The following SH2D3C variants were observed in gnomAD, a reference collection of about 807,000 sequenced individuals.
SH2D3C encodes SH2 domain-containing protein 3C.
Under a neutral mutation model 75.2 loss-of-function variants are expected in SH2D3C, and 25 were observed. The ratio of observed to expected loss-of-function variants is 0.33; its 90% confidence interval spans 0.24 to 0.46. SH2D3C has a LOEUF of 0.46. Among genes scored for constraint, SH2D3C ranks in the 20% least tolerant of loss-of-function variants. The pLI, the probability that SH2D3C is intolerant of heterozygous loss-of-function variation, is 1.00. For missense variants in SH2D3C, 933 were observed against 1,165.3 expected (o/e 0.80, Z 2.90); for synonymous variants, 450 against 473.7 (o/e 0.95, Z 0.65).
chr9:127,778,487 A>G, intron 1 of SH2D3C, 104 bp downstream of exon 1: 2 of 953,956 alleles, frequency 2.1e-6, no homozygotes, highest in African/African-American at 1.6e-5. Flanking sequence ...AAAGAGTGAG[A>G]GAGAGAAAAA....
intron 3 of SH2D3C, among the ~76,000 whole-genome samples, chr9:127,757,395 C>T (rs892715585): frequency 2.0e-5 from 3 of 150,766 alleles, no homozygotes; most frequent in East Asian, 2.0e-4. Context: ...CTCAGCCTCC[C>T]GAGTAGCTGG....
chr9:127,739,742 C>T lies in SH2D3C; in HGVS notation c.2347G>A (p.Ala783Thr), dbSNP rs747442330. The T allele has an allele frequency of 1.1e-5, 18 of 1,610,358 alleles. No individual in the cohort carries two copies. The highest frequency in any genetic ancestry group is 1.5e-5 in the Non-Finnish European group (18 of 1,179,462). ...CCTCCGTGGTGTGCCACTGTGCGGG[C>T]GGCCTCCAGGTGAGCCAGCACCACC... ...VEVVLAHLEA[A>T]RTVAHHGGLY... Residue 783 changes from alanine (A) to threonine (T), a missense_variant, in exon 11 of 12, where the codon GCC (alanine) becomes ACC (threonine). By Grantham distance (58) the Ala-to-Thr change is moderately conservative. Transcript: ENST00000314830. The surrounding 1 kb of genome is among the most constrained non-coding windows in gnomAD (Gnocchi z 4.3).
At chr9:127,760,277 C>T (rs1208359021) in intron 3 of SH2D3C, among the ~76,000 whole-genome samples, 1 of 152,178 alleles carries the variant, frequency 6.6e-6, no homozygotes, top group Non-Finnish European at 1.5e-5. Flanking sequence ...CCTCTGCCTA[C>T]TCTCAGTGCT....
intron 2 of SH2D3C, among the ~76,000 whole-genome samples, chr9:127,773,132 A>C (rs574219303): frequency 1.2e-4 from 19 of 152,250 alleles, no homozygotes; most frequent in Non-Finnish European, 2.4e-4. Context: ...TCTTCTATGG[A>C]GTTTTCAGTG....
At chr9:127,760,735 C>T (rs1449470487) in intron 3 of SH2D3C, among the ~76,000 whole-genome samples, 3 of 152,150 alleles carry the variant, frequency 2.0e-5, no homozygotes, top group Non-Finnish European at 4.4e-5. Flanking sequence ...AATCAAATAC[C>T]TCTCATGTAA....
chr9:127,762,334 C>T, intron 2 of SH2D3C: 1 of 1,302,518 alleles, frequency 7.7e-7, no homozygotes, highest in Non-Finnish European at 1.0e-6. Context: ...AAATGCTACC[C>T]CTACCCTCAG....
Position 127,754,920 on chromosome 9 carries a change from G to A in SH2D3C, c.556-3620C>T. The A allele has an allele frequency of 3.9e-6, 2 of 517,448 alleles. No homozygotes were observed. Among genetic ancestry groups the A allele is most frequent in the South Asian group, 3.1e-5 (2 of 63,994 alleles). 32.1% of individuals were successfully genotyped at this position (517,448 alleles called of 1,614,324 possible). The stretch of plus-strand genomic sequence containing the variant: ...GCCTGGGCGCCCAGAGGTGAGGCTG[G>A]GGTGACCCCGCCCCCTCCCCGGGTC... On this transcript the variant is annotated intron_variant, in intron 3 of 11. Coordinates refer to ENST00000314830, the MANE Select transcript of SH2D3C (RefSeq NM_170600.3). This position sits in a 1 kb window ranked among gnomAD's most constrained non-coding sequence, Gnocchi z 4.4.
rs768912777 is a variant in SH2D3C, at chr9:127,754,942, G to T, written c.556-3642C>A. 1 of 517,640 alleles carries T rather than the reference G, an allele frequency of 1.9e-6. No individual in the cohort carries two copies. The highest frequency in any genetic ancestry group is 3.6e-6 in the Non-Finnish European group (1 of 280,634). The allele number at this position is 517,640 out of a possible 1,614,324, so 32.1% of individuals were successfully genotyped here. A position where few individuals can be genotyped will look rare whatever the true frequency, so the allele number is the denominator to read the frequency against. On this transcript the variant is annotated intron_variant, in intron 3 of 11. Coordinates refer to ENST00000314830, the MANE Select transcript of SH2D3C (RefSeq NM_170600.3). This position sits in a 1 kb window ranked among gnomAD's most constrained non-coding sequence, Gnocchi z 4.4. ...CTGGGGTGACCCCGCCCCCTCCCCGGGTCGGCCGGGCCCAGCCCAGCCCGA... is the reference window on the plus strand; with the variant it reads ...CTGGGGTGACCCCGCCCCCTCCCCGTGTCGGCCGGGCCCAGCCCAGCCCGA...
chr9:127,768,438 C>T (rs1564424549), intron 2 of SH2D3C, among the ~76,000 whole-genome samples: 5 of 151,952 alleles, frequency 3.3e-5, no homozygotes, highest in Non-Finnish European at 7.4e-5. Flanking sequence ...GGGCTTGGAT[C>T]TCTAGGTGGG....
rs200319475 is a variant in SH2D3C at position 127,747,199 on chromosome 9, G to A, written c.1212C>T (p.His404=). The stretch of plus-strand genomic sequence containing the variant: ...TCTCGGAGATGGGCGACATGGGTGA[G>A]TGCAGGTCTGGGATCTGGTCCATGC... ...ALSMDQIPDL[H]SPMSPISESP... The change falls in exon 6 of 12, where the codon CAC becomes CAT. Residue 404 remains histidine, a synonymous_variant. Transcript: ENST00000314830. 15 of 1,613,894 alleles carry A rather than the reference G, an allele frequency of 9.3e-6. No individual in the cohort carries two copies. The highest frequency in any genetic ancestry group is 1.3e-5 in the Non-Finnish European group (15 of 1,179,996).
chr9:127,762,513 T>C (rs1845553545), intron 2 of SH2D3C: 10 of 456,274 alleles, frequency 2.2e-5, no homozygotes, highest in South Asian at 8.0e-5. Flanking sequence ...CAGTTTCCTC[T>C]TTCCTGCAGC....
intron 2 of SH2D3C, among the ~76,000 whole-genome samples, chr9:127,769,972 C>CT (rs1244894013): frequency 6.6e-6 from 1 of 152,188 alleles, no homozygotes; most frequent in African/African-American, 2.4e-5. Flanking sequence ...GGACCCTCGC[C>CT]TGACAATTCC....
chr9:127,757,639 GATGATGATT>G (rs1218656356), intron 3 of SH2D3C, among the ~76,000 whole-genome samples: 134 of 115,294 alleles, frequency 1.2e-3, no homozygotes, highest in Middle Eastern at 4.2e-3. Context: ...TGATGATGAT[GATGATGATT>G]ATTATTATTA....
At chr9:127,756,185 C>G (rs1320202354) in intron 3 of SH2D3C, among the ~76,000 whole-genome samples, 1 of 152,150 alleles carries the variant, frequency 6.6e-6, no homozygotes, top group Non-Finnish European at 1.5e-5. Context: ...GCCTGCAATC[C>G]CAGCTACTCA....
chr9:127,740,837 C>T (rs1196399049), intron 9 of SH2D3C, among the ~76,000 whole-genome samples: 4 of 152,176 alleles, frequency 2.6e-5, no homozygotes, highest in Admixed American at 6.5e-5. Flanking sequence ...TGTGTCACCA[C>T]GCCCGGCTAA....
chr9:127,745,666 G>A (rs1845011428), intron 6 of SH2D3C, among the ~76,000 whole-genome samples: 1 of 151,754 alleles, frequency 6.6e-6, no homozygotes, highest in Admixed American at 6.6e-5. Flanking sequence ...GTCTCGCTCT[G>A]TTGCCTAGGC....
At position 127,749,171 on chromosome 9, in the gene SH2D3C, T is replaced by G. The variant is rs1845119804; in HGVS notation, c.1139+40A>C. 4.9e-6 allele frequency: 7 copies of G among 1,429,666 alleles called. No homozygotes were observed. The highest frequency in any genetic ancestry group is 4.6e-5 in the East Asian group (2 of 43,718). The allele number at this position is 1,429,666 out of a possible 1,614,324, so 88.6% of individuals were successfully genotyped here. A position where few individuals can be genotyped will look rare whatever the true frequency, so the allele number is the denominator to read the frequency against. On this transcript the variant is annotated intron_variant, in intron 5 of 11. Transcript: ENST00000314830. The surrounding 1 kb of genome is among the most constrained non-coding windows in gnomAD (Gnocchi z 5.9). ...CTTCTCTTTCTCACTAGCCCTCTCA[T>G]TACCCACAACCCCATTTGACAAATG...
Position 127,756,683 on chromosome 9 carries a change from C to T in SH2D3C, c.555+4928G>A, listed in dbSNP as rs566989954. Among the ~76,000 whole-genome samples the T allele has an allele frequency of 3.9e-5, 5 of 126,904 alleles. No individual in the cohort carries two copies. The South Asian group carries it at 1.0e-3, about 26-fold the overall frequency. The allele number at this position is 126,904 out of a possible 152,430, so 83.3% of individuals were successfully genotyped here. A position where few individuals can be genotyped will look rare whatever the true frequency, so the allele number is the denominator to read the frequency against. ...TTTTTGAGATGGAGTCTCGCTCTGTCACCCAGGCTGGAGTGCAGTGGCAAT... is the reference window on the plus strand; with the variant it reads ...TTTTTGAGATGGAGTCTCGCTCTGTTACCCAGGCTGGAGTGCAGTGGCAAT... On this transcript the variant is annotated intron_variant, in intron 3 of 11. Transcript: ENST00000314830.
At chr9:127,771,547 G>T (rs955584270) in intron 2 of SH2D3C, 9 of 369,440 alleles carry the variant, frequency 2.4e-5, no homozygotes, top group African/African-American at 1.7e-4. Flanking sequence ...CGGCTCCAAC[G>T]CTCGCTTCCC....
Sources: gnomAD v4.1 joint callset for allele counts (sites outside exome capture counted in the v4.1 genomes callset) on GRCh38, gnomAD v4.1.1 for gene constraint, Gnocchi (gnomAD v3.1) non-coding constraint, MANE v1.5 for transcripts, NCBI Gene and HGNC (gene_info 2026-07-23, HGNC 2026-07-21) for gene names.